CENPF: variants seen among roughly 807,000 people sequenced by gnomAD.
The protein encoded by CENPF is AH antigen.
A neutral mutation model predicts 307.3 loss-of-function variants in CENPF; 214 were observed. The observed-to-expected ratio is 0.70, with a 90% CI of 0.62 to 0.78. CENPF has a LOEUF of 0.78. Among genes scored for constraint, CENPF ranks in the 30% least tolerant of loss-of-function variants. CENPF has a pLI of 0.00. For synonymous variants in CENPF, 1,259 were observed against 1,270.6 expected (o/e 0.99, Z 0.19); for missense variants, 3,401 against 3,483.9 (o/e 0.98, Z 0.60).
Position 214,641,522 on chromosome 1 carries a change from A to G in CENPF, c.3184A>G (p.Ser1062Gly). 6.6e-7 allele frequency: 1 copy of G among 1,520,792 alleles called. No individual in the cohort carries two copies. Among genetic ancestry groups the G allele is most frequent in the Middle Eastern group, 1.8e-4 (1 of 5,640 alleles). 94.2% of individuals were successfully genotyped at this position (1,520,792 alleles called of 1,614,324 possible). ...AGAATGCTTGCTAAATGAATGCACT[A>G]GTCTTTGTGAAAATAGGAAAAATGA... ...KLECLLNECT[S>G]LCENRKNELE... Residue 1062 changes from serine (S) to glycine (G), a missense_variant, in exon 12 of 20, where the codon AGT (serine) becomes GGT (glycine). Ser to Gly is a moderately conservative substitution (Grantham distance 56). Transcript: ENST00000366955.
chr1:214,621,082 T>C, intron 6 of CENPF, 136 bp downstream of exon 6: 2 of 711,994 alleles, frequency 2.8e-6, no homozygotes, highest in Non-Finnish European at 4.7e-6. Flanking sequence ...AGACTGGTTA[T>C]GTGAAATATA....
intron 18 of CENPF, among the ~76,000 whole-genome samples, 167 bp from the exon 19 acceptor site, chr1:214,658,683 G>C (rs1658710613): frequency 6.6e-6 from 1 of 152,034 alleles, no homozygotes; most frequent in Admixed American, 6.5e-5. Context: ...GATTCAATTT[G>C]GTGACTCCCA....
In CENPF at chr1:214,641,782, C is replaced by A. The variant is rs1479935049; in HGVS notation, c.3444C>A (p.Asp1148Glu). Reference sequence around the variant, plus strand: ...ACAAAATGCAAAAGGAAGTTAATGACTTATTACAAGAGAATGAACAGCTGA... The same window carrying A: ...ACAAAATGCAAAAGGAAGTTAATGAATTATTACAAGAGAATGAACAGCTGA... ...EQNKMQKEVN[D>E]LLQENEQLMK... The change falls in exon 12 of 20, where the codon GAC (aspartate) becomes GAA (glutamate). Residue 1148 changes from aspartate (D) to glutamate (E), a missense_variant. Transcript: ENST00000366955. 1 of 1,594,636 alleles carries A rather than the reference C, an allele frequency of 6.3e-7. No homozygotes were observed. Among genetic ancestry groups the A allele is most frequent in the Non-Finnish European group, 8.5e-7 (1 of 1,174,866 alleles).
Position 214,659,441 on chromosome 1 carries a change from T to C in CENPF, c.9141+413T>C, listed in dbSNP as rs1406189701. 1.3e-5 allele frequency among the ~76,000 whole-genome samples: 2 copies of C among 149,022 alleles called. No individual in the cohort carries two copies. Among genetic ancestry groups the C allele is most frequent in the Admixed American group, 1.3e-4 (2 of 15,024 alleles). Reference sequence around the variant, plus strand: ...TTTATTGTTTTTATTAATCCTTTACTTTCTTAAAAAAAAAAAAAGCACATA... The same window carrying C: ...TTTATTGTTTTTATTAATCCTTTACCTTCTTAAAAAAAAAAAAAGCACATA... On this transcript the variant is annotated intron_variant, in intron 19 of 19. Transcript: ENST00000366955. This position sits in a 1 kb window ranked among gnomAD's most constrained non-coding sequence, Gnocchi z 4.4.
rs1480252402 is a variant in CENPF, at chr1:214,658,891, C to G, written c.9004C>G (p.Leu3002Val). The change falls in exon 19 of 20, where the codon CTG becomes GTG. Residue 3002 changes from leucine to valine, a missense_variant. Leu to Val is a conservative substitution (Grantham distance 32, BLOSUM62 1). Coordinates refer to ENST00000366955, the MANE Select transcript of CENPF (RefSeq NM_016343.4). ...GACAGGAAAGACTAGCCCATATATC[C>G]TGCGAAGAACAACCATGGCAACTCG... The part of the protein sequence containing the change: ...IPTGKTSPYI[L>V]RRTTMATRTS... 4 of 1,614,066 alleles carry G rather than the reference C, an allele frequency of 2.5e-6. No individual in the cohort carries two copies. The highest frequency in any genetic ancestry group is 8.5e-7 in the Non-Finnish European group (1 of 1,179,990).
chr1:214,660,712 C>T (rs566476577), intron 19 of CENPF, among the ~76,000 whole-genome samples: 3 of 152,312 alleles, frequency 2.0e-5, no homozygotes, highest in South Asian at 4.1e-4. Flanking sequence ...GGAGATCAAA[C>T]GAAGTATTTG....
rs533706296 is a variant in CENPF, at chr1:214,606,856, G to T, written c.-42+3535G>T. Among the ~76,000 whole-genome samples the T allele has an allele frequency of 9.7e-3, 1,482 of 152,262 alleles. 26 individuals are homozygous for T. Among genetic ancestry groups the T allele is most frequent in the Non-Finnish European group, 7.5e-3 (512 of 68,022 alleles). On this transcript the variant is annotated intron_variant, in intron 1 of 19. Transcript: ENST00000366955. ...AGTCCCAACCACGCGGGACCCACCT[G>T]CCACCCTGCCCATGCCGGGACCCCA...
intron 3 of CENPF, among the ~76,000 whole-genome samples, chr1:214,618,109 T>G (rs1652926394): frequency 6.6e-6 from 1 of 152,152 alleles, no homozygotes. Flanking sequence ...AGGAAGCCCC[T>G]TATAAAACCA....
intron 9 of CENPF, 41 bp downstream of exon 9, chr1:214,630,703 C>T: frequency 6.2e-7 from 1 of 1,606,920 alleles, no homozygotes; most frequent in Non-Finnish European, 8.5e-7. Flanking sequence ...ATCATCCCCT[C>T]TTGTTCCTTG....
At chr1:214,613,520 G>T in intron 1 of CENPF, 194 bp from the exon 2 acceptor site, 1 of 373,476 alleles carries the variant, frequency 2.7e-6, no homozygotes, top group Non-Finnish European at 4.8e-6. Context: ...AACTAAGCAG[G>T]ACAGTATGTA....
At chr1:214,620,634 A>G (rs1291423754) in intron 5 of CENPF, 21 bp from the exon 6 acceptor site, 3 of 1,595,664 alleles carry the variant, frequency 1.9e-6, no homozygotes, top group South Asian at 1.1e-5. Flanking sequence ...AAAGGCCTCT[A>G]AAGAGATTCT....
rs546921377 is a variant in CENPF, at chr1:214,642,011, C to A, written c.3673C>A (p.Gln1225Lys). The change falls in exon 12 of 20, where the codon CAG becomes AAG. Residue 1225 changes from glutamine to lysine, a missense_variant. By Grantham distance (53) the Gln-to-Lys change is moderately conservative. Transcript: ENST00000366955. ...GCTAAGAAATAAGGAATTAAAACTT[C>A]AGGAAAGTGAGAAGGAGAAGGAGTG... Reference protein sequence around the residue: ...AMLRNKELKLQESEKEKECLQ... With the variant: ...AMLRNKELKLKESEKEKECLQ... 3.8e-5 allele frequency: 61 copies of A among 1,610,980 alleles called. No homozygotes were observed. The highest frequency in any genetic ancestry group is 4.8e-5 in the Non-Finnish European group (57 of 1,179,316).
At chr1:214,608,820 A>G in intron 1 of CENPF, 1 of 1,596,520 alleles carries the variant, frequency 6.3e-7, no homozygotes, top group South Asian at 1.1e-5. Flanking sequence ...AGCAGAGCTC[A>G]CTCAGCGACA....
In CENPF at chr1:214,645,143, AG is replaced by A; in HGVS notation, c.5574del (p.Arg1859GlufsTer2). On this transcript the variant is annotated frameshift_variant, in exon 13 of 20. Coordinates refer to ENST00000366955, the MANE Select transcript of CENPF (RefSeq NM_016343.4). LOFTEE classifies it high-confidence loss of function. ...YFSCDHQELL[Q>X]RVETSEGLNS... ...TCTTGTGATCACCAGGAGTTACTCCAGAGAGTAGAAACTTCTGAAGGCCTCA... is the reference window on the plus strand; with the variant it reads ...TCTTGTGATCACCAGGAGTTACTCCAAGAGTAGAAACTTCTGAAGGCCTCA... 1 of 1,613,946 alleles carries A rather than the reference AG, an allele frequency of 6.2e-7. No individual in the cohort carries two copies. Among genetic ancestry groups the A allele is most frequent in the African/African-American group, 1.3e-5 (1 of 75,050 alleles).
intron 1 of CENPF, among the ~76,000 whole-genome samples, chr1:214,607,873 C>T (rs1360677487): frequency 6.6e-6 from 1 of 152,180 alleles, no homozygotes; most frequent in Non-Finnish European, 1.5e-5. Flanking sequence ...GGCCAAGCTC[C>T]GCAGCCACAG....
chr1:214,630,459 G>T, intron 8 of CENPF, 75 bp from the exon 9 acceptor site: 1 of 1,572,686 alleles, frequency 6.4e-7, no homozygotes, highest in Non-Finnish European at 8.7e-7. Flanking sequence ...TCGCCTGTTA[G>T]GATGCTCATG....
chr1:214,608,283 C>T lies in CENPF; in HGVS notation c.-42+4962C>T, dbSNP rs373999452. On this transcript the variant is annotated intron_variant, in intron 1 of 19. Transcript: ENST00000366955. ...GGCCTGGTCCCCTCTTGGGTGTGCC[C>T]AGGCTGAGCTGCCCCCAGGGTTGCC... is the stretch of plus-strand genomic sequence containing the variant. The T allele has an allele frequency of 1.4e-4, 211 of 1,555,938 alleles. 1 individual carries two copies. In the African/African-American group the frequency reaches 2.2e-3, roughly 16 times the overall value.
chr1:214,637,185 G>A (rs1371588162), intron 10 of CENPF, among the ~76,000 whole-genome samples: 2 of 152,156 alleles, frequency 1.3e-5, no homozygotes, highest in Non-Finnish European at 2.9e-5. Flanking sequence ...CCAGCCCTCT[G>A]ATTTCCCATA....
In CENPF at chr1:214,629,160, G is replaced by A. The variant is rs961988926; in HGVS notation, c.1183G>A (p.Glu395Lys). 7 of 1,607,360 alleles carry A rather than the reference G, an allele frequency of 4.4e-6. No homozygotes were observed. The highest frequency in any genetic ancestry group is 1.3e-5 in the African/African-American group (1 of 74,426). Residue 395 changes from glutamate to lysine, a missense_variant, in exon 8 of 20, where the codon GAG becomes AAG. Glu to Lys is a moderately conservative substitution (Grantham distance 56). Coordinates refer to ENST00000366955, the MANE Select transcript of CENPF (RefSeq NM_016343.4). Reference protein sequence around the residue: ...LEQKIKEKEKEFQEELSRQQR... With the variant: ...LEQKIKEKEKKFQEELSRQQR... ...ACAGAAAATTAAGGAAAAAGAAAAG[G>A]AGTTTCAAGAGGTAAGGTAAATGGA...
Sources: allele counts gnomAD v4.1 joint callset (sites outside exome capture counted in the v4.1 genomes callset), GRCh38; gene constraint gnomAD v4.1.1; non-coding constraint Gnocchi (gnomAD v3.1); transcripts MANE v1.5; gene names NCBI Gene and HGNC (gene_info 2026-07-23, HGNC 2026-07-21).